Variants in LMLN observed in about 807,000 individuals in gnomAD.
LMLN encodes leishmanolysin like peptidase.
In LMLN, 70 loss-of-function variants were observed where a neutral mutation model predicts 92.3. The ratio of observed to expected loss-of-function variants is 0.76; its 90% CI spans 0.63 to 0.92. The LOEUF (loss-of-function observed/expected upper bound fraction) is 0.92, where lower values mean the gene tolerates loss of function less well. LMLN is among the 40% of genes least tolerant of loss of function. LMLN has a pLI of 0.00. For synonymous variants in LMLN, 308 were observed against 296.2 expected (o/e 1.04, Z -0.41); for missense variants, 691 against 814.6 (o/e 0.85, Z 1.85).
chr3:198,008,229 G>T (rs1054209570), intron 11 of LMLN, among the ~76,000 whole-genome samples: 7 of 151,984 alleles, frequency 4.6e-5, no homozygotes, highest in African/African-American at 1.7e-4. Flanking sequence ...TAATTAATCA[G>T]TATGGCTCTC....
At position 197,988,718 on chromosome 3, in the gene LMLN, G is replaced by A. The variant is rs561508007; in HGVS notation, c.930-1841G>A. On this transcript the variant is annotated intron_variant, in intron 8 of 15. Coordinates refer to ENST00000330198, the Ensembl canonical transcript of LMLN. ...ATTTTTTGAGATGGAGTCTCACTCT[G>A]TTACCCAGGCTGGAGTGCTGTGGCG... is the stretch of plus-strand genomic sequence containing the variant. Among the ~76,000 whole-genome samples the A allele has an allele frequency of 2.0e-5, 3 of 152,076 alleles. No individual in the cohort carries two copies. In the South Asian group the frequency reaches 6.2e-4, roughly 32 times the overall value.
In LMLN at chr3:198,006,037, A is replaced by T. The variant is rs890351118; in HGVS notation, c.1232+6695A>T. Reference sequence around the variant, plus strand: ...GAGGCTGAGGCAAGGAAACAGCTTGAATCCAGGAGGCAGGGGTTGCAGTGA... The same window carrying T: ...GAGGCTGAGGCAAGGAAACAGCTTGTATCCAGGAGGCAGGGGTTGCAGTGA... On this transcript the variant is annotated intron_variant, in intron 11 of 15. Coordinates refer to ENST00000330198, the Ensembl canonical transcript of LMLN. Among the ~76,000 whole-genome samples, 6 of 152,178 alleles carry T rather than the reference A, an allele frequency of 3.9e-5. No individual in the cohort carries two copies. The East Asian group carries it at 7.7e-4, about 20-fold the overall frequency.
At chr3:197,998,286 C>A (rs1722081046) in intron 10 of LMLN, among the ~76,000 whole-genome samples, 1 of 152,168 alleles carries the variant, frequency 6.6e-6, no homozygotes, top group Admixed American at 6.5e-5. Context: ...TACATCATGC[C>A]TAAAGTTAAT....
rs949257337 is a variant in LMLN, at chr3:198,025,363, T to A, written c.1656+575T>A. ...AAATCCAAAAAGGGCAAACTACAAT[T>A]TTTTTTCCTTTTTCTTTTTCTTTTT... On this transcript the variant is annotated intron_variant, in intron 14 of 15. Transcript: ENST00000330198. This position sits in a 1 kb window ranked among gnomAD's most constrained non-coding sequence, Gnocchi z 4.3. Among the ~76,000 whole-genome samples, 3 of 152,180 alleles carry A rather than the reference T, an allele frequency of 2.0e-5. No homozygotes were observed. The highest frequency in any genetic ancestry group is 2.9e-5 in the Non-Finnish European group (2 of 68,028).
At chr3:198,029,668 A>G (rs1266545061) in intron 14 of LMLN, among the ~76,000 whole-genome samples, 4 of 152,118 alleles carry the variant, frequency 2.6e-5, no homozygotes, top group Non-Finnish European at 4.4e-5. Context: ...GTGAGACTAC[A>G]TGTAAAAACA....
chr3:198,035,229 G>C (rs1581188390), intron 14 of LMLN, among the ~76,000 whole-genome samples: 1 of 150,522 alleles, frequency 6.6e-6, no homozygotes, highest in African/African-American at 2.4e-5. Flanking sequence ...CTGTATGTGT[G>C]TGCCCCCTTG....
intron 1 of LMLN, among the ~76,000 whole-genome samples, chr3:197,968,363 G>C (rs1015310051): frequency 3.3e-5 from 5 of 151,992 alleles, no homozygotes; most frequent in African/African-American, 1.2e-4. Flanking sequence ...CCAGCTACTT[G>C]GGAGGCTGAG....
chr3:197,980,501 A>G (rs1165619966), exon 6 of LMLN: 2 of 1,611,810 alleles, frequency 1.2e-6, no homozygotes, highest in Non-Finnish European at 1.7e-6. Flanking sequence ...GCAAACATGG[A>G]CAGGTAATCT....
intron 1 of LMLN, among the ~76,000 whole-genome samples, chr3:197,965,380 G>A (rs1463432018): frequency 3.3e-5 from 5 of 151,866 alleles, no homozygotes; most frequent in Admixed American, 3.3e-4. Flanking sequence ...ACGTGTACTT[G>A]TGAAGAATAT....
At chr3:198,026,631 G>C (rs763931834) in intron 14 of LMLN, among the ~76,000 whole-genome samples, 7 of 152,208 alleles carry the variant, frequency 4.6e-5, no homozygotes, top group Admixed American at 1.3e-4. Context: ...TCTGTAACAA[G>C]ATATTCTAAG....
intron 14 of LMLN, among the ~76,000 whole-genome samples, chr3:198,033,836 T>C (rs1266751987): frequency 6.6e-6 from 1 of 152,234 alleles, no homozygotes; most frequent in Non-Finnish European, 1.5e-5. Context: ...TAAAGAATAA[T>C]GATGTTGCAC....
At chr3:198,038,629 C>G (rs1560160386) in exon 16 of LMLN, 1 of 1,614,020 alleles carries the variant, frequency 6.2e-7, no homozygotes, top group Admixed American at 1.7e-5. Flanking sequence ...CAATCTGTTT[C>G]CTCTGCTGGC....
chr3:198,032,067 A>G (rs1299329640), intron 14 of LMLN, among the ~76,000 whole-genome samples: 1 of 150,778 alleles, frequency 6.6e-6, no homozygotes, highest in African/African-American at 2.5e-5. Flanking sequence ...ACACTATTGT[A>G]CCACAGCCTG....
At chr3:198,022,808 G>A (rs577685580) in intron 13 of LMLN, among the ~76,000 whole-genome samples, 3 of 152,274 alleles carry the variant, frequency 2.0e-5, no homozygotes, top group South Asian at 2.1e-4. Flanking sequence ...GCAGTGAGTC[G>A]AGATCATGCC....
At chr3:197,976,625 G>A in exon 5 of LMLN, 1 of 1,598,426 alleles carries the variant, frequency 6.3e-7, no homozygotes, top group Non-Finnish European at 8.6e-7. Context: ...AATACCTCCG[G>A]AAGGAAAACG....
intron 1 of LMLN, among the ~76,000 whole-genome samples, chr3:197,965,631 T>C (rs567944733): frequency 1.3e-5 from 2 of 152,348 alleles, no homozygotes; most frequent in African/African-American, 4.8e-5. Context: ...TTAAAAACTA[T>C]TGGCCAAGTA....
intron 11 of LMLN, 110 bp downstream of exon 11, chr3:197,999,452 T>C (rs1722113238): frequency 4.2e-6 from 3 of 706,230 alleles, no homozygotes; most frequent in Admixed American, 2.4e-5. Context: ...AATATACTTA[T>C]TAATTATTTG....
Position 197,967,024 on chromosome 3 carries a change from G to A in LMLN, c.219+6584G>A, listed in dbSNP as rs142949784. Among the ~76,000 whole-genome samples the A allele has an allele frequency of 1.3e-3, 202 of 152,254 alleles. 1 individual carries two copies. The highest frequency in any genetic ancestry group is 4.7e-3 in the African/African-American group (195 of 41,548). ...TTTCCCAGTCTCGTCTGGAGCCACT[G>A]GGCCCAAGGAGTCTTCCTACCTTGG... On this transcript the variant is annotated intron_variant, in intron 1 of 15. Coordinates refer to ENST00000330198, the Ensembl canonical transcript of LMLN.
chr3:198,011,298 G>T (rs549369931), intron 11 of LMLN, among the ~76,000 whole-genome samples: 3 of 150,608 alleles, frequency 2.0e-5, no homozygotes, highest in African/African-American at 7.3e-5. Context: ...AACAGGTCCT[G>T]GTGTGTGATG....
Sources: gnomAD v4.1 joint callset for allele counts (sites outside exome capture counted in the v4.1 genomes callset) on GRCh38, gnomAD v4.1.1 for gene constraint, Gnocchi (gnomAD v3.1) non-coding constraint, MANE v1.5 for transcripts, NCBI Gene and HGNC (gene_info 2026-07-23, HGNC 2026-07-21) for gene names.